CTTNBP2: variants seen among roughly 807,000 people sequenced by gnomAD.
CTTNBP2 encodes the protein cortactin-binding protein 2.
A neutral mutation model predicts 156.9 loss-of-function variants in CTTNBP2; 108 were observed. That is an observed-to-expected ratio of 0.69 (90% confidence interval 0.59 to 0.81). The LOEUF is 0.81. CTTNBP2 is among the 30% of genes least tolerant of loss of function. The pLI, the probability that CTTNBP2 is intolerant of heterozygous loss-of-function variation, is 0.00. For synonymous variants in CTTNBP2, 767 were observed against 751.8 expected, an observed-to-expected ratio of 1.02 and a Z score of -0.33; for missense variants, 1,924 against 2,035.4, an observed-to-expected ratio of 0.95 and a Z score of 1.05.
intron 2 of CTTNBP2, among the ~76,000 whole-genome samples, chr7:117,815,543 C>A (rs1379065829): frequency 1.3e-5 from 2 of 152,092 alleles, no homozygotes; most frequent in African/African-American, 4.8e-5. Flanking sequence ...ATTATCTAAC[C>A]AGGAACTTTC....
intron 22 of CTTNBP2, 66 bp from the exon 23 acceptor site, chr7:117,711,848 C>G: frequency 6.7e-7 from 1 of 1,488,342 alleles, no homozygotes; most frequent in South Asian, 1.3e-5. Flanking sequence ...CTACCCCTGC[C>G]TCCTCTTTGA....
At chr7:117,772,080 A>G (rs1242146366) in intron 8 of CTTNBP2, among the ~76,000 whole-genome samples, 1 of 152,210 alleles carries the variant, frequency 6.6e-6, no homozygotes, top group African/African-American at 2.4e-5. Context: ...CTTGACCGTC[A>G]TGATAGGCAT....
At position 117,735,384 on chromosome 7, in the gene CTTNBP2, CT is replaced by C; in HGVS notation, c.3572del (p.Lys1191ArgfsTer7). 2 of 1,613,496 alleles carry C rather than the reference CT, an allele frequency of 1.2e-6. No homozygotes were observed. The highest frequency in any genetic ancestry group is 1.7e-6 in the Non-Finnish European group (2 of 1,179,610). On this transcript the variant is annotated frameshift_variant, in exon 15 of 23. Coordinates refer to ENST00000160373, the MANE Select transcript of CTTNBP2 (RefSeq NM_033427.3). LOFTEE classifies it high-confidence loss of function. The stretch of plus-strand genomic sequence containing the variant: ...AATTTTCTAAAATGATGATGATTTT[CT>C]TCTTACTGGGAGATTGTTTCACTGG... Reference protein sequence around the residue: ...LIPVKQSPSKKKIIIILENLE... With the variant: ...LIPVKQSPSKXKIIIILENLE...
chr7:117,836,378 C>G (rs1024225227), intron 2 of CTTNBP2, among the ~76,000 whole-genome samples: 10 of 152,172 alleles, frequency 6.6e-5, no homozygotes, highest in African/African-American at 2.4e-4. Context: ...TCCTGGCTAA[C>G]ACGACGAAAC....
intron 8 of CTTNBP2, among the ~76,000 whole-genome samples, chr7:117,770,818 G>A (rs1797759119): frequency 6.6e-6 from 1 of 152,190 alleles, no homozygotes; most frequent in Non-Finnish European, 1.5e-5. Flanking sequence ...GAGGACAAAT[G>A]CTGTGATCCC....
In CTTNBP2 at chr7:117,767,119, A is replaced by G. The variant is rs780460777; in HGVS notation, c.2836T>C (p.Cys946Arg). Residue 946 changes from cysteine to arginine, a missense_variant, in exon 9 of 23, where the codon TGC becomes CGC. Transcript: ENST00000160373. Reference protein sequence around the residue: ...GGLEPERRDKCNRTVHDVATD... With the variant: ...GGLEPERRDKRNRTVHDVATD... The stretch of plus-strand genomic sequence containing the variant: ...GCAACATCATGCACAGTCCGATTGC[A>G]CTTGTCTCTCCTTTCTGGCTCAAGC... 2.5e-6 allele frequency: 4 copies of G among 1,613,500 alleles called. No homozygotes were observed. The highest frequency in any genetic ancestry group is 8.5e-7 in the Non-Finnish European group (1 of 1,179,398).
intron 2 of CTTNBP2, among the ~76,000 whole-genome samples, chr7:117,856,363 A>G (rs1397607320): frequency 1.3e-5 from 2 of 152,206 alleles, no homozygotes; most frequent in Non-Finnish European, 2.9e-5. Flanking sequence ...CAAAAATAAC[A>G]TGGGTTGTTG....
chr7:117,789,167 CT>C (rs916605577), intron 4 of CTTNBP2, among the ~76,000 whole-genome samples: 3 of 152,118 alleles, frequency 2.0e-5, no homozygotes, highest in African/African-American at 7.2e-5. Flanking sequence ...AATCCGTTAA[CT>C]TTTCAATCCT....
At chr7:117,819,835 A>G (rs1048974088) in intron 2 of CTTNBP2, among the ~76,000 whole-genome samples, 1 of 152,212 alleles carries the variant, frequency 6.6e-6, no homozygotes, top group Non-Finnish European at 1.5e-5. Flanking sequence ...TCATGCCAGG[A>G]ATATACATAA....
intron 1 of CTTNBP2, among the ~76,000 whole-genome samples, chr7:117,865,532 C>T (rs1435473580): frequency 6.6e-6 from 1 of 150,818 alleles, no homozygotes; most frequent in Non-Finnish European, 1.5e-5. Flanking sequence ...AAAAATTAGC[C>T]AGGCATGGTG....
intron 2 of CTTNBP2, among the ~76,000 whole-genome samples, chr7:117,820,283 C>T (rs1800879253): frequency 6.6e-6 from 1 of 152,202 alleles, no homozygotes; most frequent in Non-Finnish European, 1.5e-5. Flanking sequence ...AGACAGCCAC[C>T]ACCTGTCAAT....
At chr7:117,724,944 G>T in intron 18 of CTTNBP2, 108 bp downstream of exon 18, 1 of 1,120,160 alleles carries the variant, frequency 8.9e-7, no homozygotes, top group East Asian at 2.4e-5. Flanking sequence ...ACTGCTATAA[G>T]ATGTATATTT....
chr7:117,713,366 ATG>A (rs1219118945), intron 22 of CTTNBP2, among the ~76,000 whole-genome samples: 6 of 152,140 alleles, frequency 3.9e-5, no homozygotes, highest in African/African-American at 1.4e-4. Flanking sequence ...ATTCACCTAT[ATG>A]TCTAGCCACA....
chr7:117,765,086 C>T (rs540510560), intron 9 of CTTNBP2, among the ~76,000 whole-genome samples: 95 of 152,274 alleles, frequency 6.2e-4, no homozygotes, highest in African/African-American at 2.3e-3. Context: ...CAGGCATATG[C>T]CACCACGCCC....
chr7:117,765,679 A>G (rs896880811), intron 9 of CTTNBP2, among the ~76,000 whole-genome samples: 2 of 152,112 alleles, frequency 1.3e-5, no homozygotes, highest in African/African-American at 4.8e-5. Flanking sequence ...CTCATTATAT[A>G]CCATTTCCCT....
intron 14 of CTTNBP2, among the ~76,000 whole-genome samples, chr7:117,739,162 G>A (rs1795861393): frequency 1.3e-5 from 2 of 152,110 alleles, no homozygotes; most frequent in Non-Finnish European, 2.9e-5. Context: ...GTGGGGCAAA[G>A]GTTAATTTTA....
At chr7:117,832,660 A>C (rs1391978697) in intron 2 of CTTNBP2, among the ~76,000 whole-genome samples, 1 of 149,946 alleles carries the variant, frequency 6.7e-6, no homozygotes, top group Non-Finnish European at 1.5e-5. Context: ...CTAGGGAGAG[A>C]TCGTCTTTCC....
chr7:117,855,891 C>A (rs1803278321), intron 2 of CTTNBP2, among the ~76,000 whole-genome samples: 1 of 152,152 alleles, frequency 6.6e-6, no homozygotes, highest in African/African-American at 2.4e-5. Context: ...ACAATTTTGG[C>A]ATAATACATC....
chr7:117,871,802 C>T (rs1319506193), intron 1 of CTTNBP2: 1 of 324,492 alleles, frequency 3.1e-6, no homozygotes, highest in Non-Finnish European at 4.3e-6. Flanking sequence ...ACCACACACA[C>T]ACACACACAC....
Sources: gnomAD v4.1 joint callset for allele counts (sites outside exome capture counted in the v4.1 genomes callset) on GRCh38, gnomAD v4.1.1 for gene constraint, MANE v1.5 for transcripts, NCBI Gene and HGNC (gene_info 2026-07-23, HGNC 2026-07-21) for gene names.